The following IQCM variants were observed in gnomAD, a reference collection of about 807,000 sequenced individuals.
The protein encoded by IQCM is IQ domain-containing protein M.
IQCM carries 45 observed loss-of-function variants against 57.6 expected under a neutral mutation model. The ratio of observed to expected loss-of-function variants is 0.78; its 90% CI spans 0.62 to 1.00. IQCM has a LOEUF of 1.00. Among genes scored for constraint, IQCM ranks in the 50% least tolerant of loss-of-function variants. The pLI is 0.00. For missense variants in IQCM, 468 were observed against 511.6 expected, an observed-to-expected ratio of 0.91 and a Z score of 0.82; for synonymous variants, 148 against 158.9, an observed-to-expected ratio of 0.93 and a Z score of 0.51.
chr4:149,494,034 C>T (rs1012405824), intron 12 of IQCM, among the ~76,000 whole-genome samples: 1 of 151,172 alleles, frequency 6.6e-6, no homozygotes, highest in African/African-American at 2.4e-5. Flanking sequence ...AGATACAAGT[C>T]TTTTCTTTTT....
intron 12 of IQCM, among the ~76,000 whole-genome samples, chr4:149,467,341 T>A (rs749880495): frequency 2.0e-5 from 3 of 152,182 alleles, no homozygotes; most frequent in Non-Finnish European, 2.9e-5. Context: ...ATAATGAGAA[T>A]CCTTAATTCA....
chr4:149,740,564 T>G lies in IQCM; in HGVS notation c.37+2091A>C, dbSNP rs556428579. ...AAGCTTTACACTGTATTATTGAAAATAATATTGAAAACAGAAATACTCCAA... is the reference window on the plus strand; with the variant it reads ...AAGCTTTACACTGTATTATTGAAAAGAATATTGAAAACAGAAATACTCCAA... On this transcript the variant is annotated intron_variant, in intron 3 of 13. Transcript: ENST00000636793. Among the ~76,000 whole-genome samples, 39 of 152,160 alleles carry G rather than the reference T, an allele frequency of 2.6e-4. 1 individual carries two copies. The South Asian group carries it at 2.7e-3, about 11-fold the overall frequency.
At chr4:149,787,285 G>GC (rs1772160153) in intron 2 of IQCM, among the ~76,000 whole-genome samples, 1 of 141,124 alleles carries the variant, frequency 7.1e-6, no homozygotes, top group South Asian at 2.3e-4. Context: ...TCCTGGGTTT[G>GC]TTTTTTTTTT....
intron 12 of IQCM, among the ~76,000 whole-genome samples, chr4:149,451,069 G>C (rs1198302777): frequency 6.6e-6 from 1 of 151,910 alleles, no homozygotes; most frequent in African/African-American, 2.4e-5. Flanking sequence ...ATTATGCTAA[G>C]TGAAATAAGC....
rs188059790 is a variant in IQCM at position 149,605,151 on chromosome 4, T to C, written c.681+15978A>G. Among the ~76,000 whole-genome samples, 425 of 152,306 alleles carry C rather than the reference T, an allele frequency of 2.8e-3. 1 individual carries two copies. Among genetic ancestry groups the C allele is most frequent in the Non-Finnish European group, 4.6e-3 (314 of 68,032 alleles). On this transcript the variant is annotated intron_variant, in intron 8 of 13. Coordinates refer to ENST00000636793, the MANE Select transcript of IQCM (RefSeq NM_001363507.2). ...ATATCTCAGAGCAAAAGGTCAATTA[T>C]GATTGAGAATTGGGTTGAATATTTT... is the stretch of plus-strand genomic sequence containing the variant.
At chr4:149,797,819 A>C (rs1447465185) in intron 2 of IQCM, among the ~76,000 whole-genome samples, 2 of 152,042 alleles carry the variant, frequency 1.3e-5, no homozygotes, top group Admixed American at 1.3e-4. Flanking sequence ...TTTCTCTAGA[A>C]TAGCATACTA....
chr4:149,742,111 C>G (rs1469155664), intron 3 of IQCM, among the ~76,000 whole-genome samples: 1 of 151,810 alleles, frequency 6.6e-6, no homozygotes, highest in Admixed American at 6.6e-5. Flanking sequence ...CTAAATATTA[C>G]CACTTCAACA....
chr4:149,473,483 C>T (rs1195005424), intron 12 of IQCM, among the ~76,000 whole-genome samples: 31 of 152,106 alleles, frequency 2.0e-4, no homozygotes, highest in African/African-American at 4.3e-4. Flanking sequence ...CAACAGGTGC[C>T]GGAGAGGATG....
At chr4:149,576,228 G>A (rs1270354554) in intron 9 of IQCM, among the ~76,000 whole-genome samples, 7 of 151,574 alleles carry the variant, frequency 4.6e-5, no homozygotes, top group Admixed American at 4.6e-4. Context: ...TGGAGTTTTG[G>A]AGTACAGATT....
intron 13 of IQCM, among the ~76,000 whole-genome samples, chr4:149,382,881 G>T (rs1295064778): frequency 6.6e-6 from 1 of 151,452 alleles, no homozygotes; most frequent in African/African-American, 2.4e-5. Context: ...ACAGATTCAA[G>T]CTCATCAATT....
At chr4:149,794,902 A>G (rs946464608) in intron 2 of IQCM, among the ~76,000 whole-genome samples, 5 of 152,144 alleles carry the variant, frequency 3.3e-5, no homozygotes, top group African/African-American at 1.2e-4. Context: ...AATTAAGTGA[A>G]CATATATTCA....
At chr4:149,655,790 A>G (rs965105640) in intron 7 of IQCM, among the ~76,000 whole-genome samples, 2 of 152,132 alleles carry the variant, frequency 1.3e-5, no homozygotes, top group Admixed American at 1.3e-4. Flanking sequence ...ACTTTATACT[A>G]TGCTTTAGTT....
At chr4:149,581,877 T>C (rs748027573) in intron 9 of IQCM, among the ~76,000 whole-genome samples, 6 of 151,686 alleles carry the variant, frequency 4.0e-5, no homozygotes, top group African/African-American at 1.5e-4. Context: ...GCTGGTCATG[T>C]CTTCCAAGGT....
At chr4:149,795,327 G>A (rs539454403) in intron 2 of IQCM, among the ~76,000 whole-genome samples, 12 of 152,244 alleles carry the variant, frequency 7.9e-5, no homozygotes, top group African/African-American at 2.6e-4. Flanking sequence ...ACTCAGTGCT[G>A]TGCAGTCATA....
rs529210035 is a variant in IQCM, at chr4:149,767,275, C to T, written c.-48-24536G>A. Among the ~76,000 whole-genome samples the T allele has an allele frequency of 1.2e-4, 18 of 151,922 alleles. No homozygotes were observed. The South Asian group carries it at 1.7e-3, about 14-fold the overall frequency. ...TGAAGATCTTCATGAAGACACGTGA[C>T]GCTCAGATATTACAATAAAAGGGTA... On this transcript the variant is annotated intron_variant, in intron 2 of 13. Transcript: ENST00000636793.
Position 149,682,179 on chromosome 4 carries a change from G to A in IQCM, c.504C>T (p.Pro168=), listed in dbSNP as rs1762227129. ...SRNRMLELLY[P]FPVHLYLQPG... Reference sequence around the variant, plus strand: ...GTTGTAAGTAAAGATGGACAGGAAAGGGATAGAGTAATTCCAACATTCTGT... The same window carrying A: ...GTTGTAAGTAAAGATGGACAGGAAAAGGATAGAGTAATTCCAACATTCTGT... Residue 168 remains proline (P), a synonymous_variant, in exon 7 of 14, where the codon CCC becomes CCT. Transcript: ENST00000636793. The A allele has an allele frequency of 8.2e-7, 1 of 1,224,546 alleles. No individual in the cohort carries two copies. Among genetic ancestry groups the A allele is most frequent in the Non-Finnish European group, 1.0e-6 (1 of 981,704 alleles). 75.9% of individuals were successfully genotyped at this position (1,224,546 alleles called of 1,614,324 possible).
intron 2 of IQCM, among the ~76,000 whole-genome samples, chr4:149,790,798 G>C (rs2150028793): frequency 6.6e-6 from 1 of 152,138 alleles, no homozygotes; most frequent in East Asian, 1.9e-4. Context: ...TGTATTCCAG[G>C]ACTTCTTGGG....
At chr4:149,617,267 C>T (rs2150065893) in intron 8 of IQCM, among the ~76,000 whole-genome samples, 1 of 152,098 alleles carries the variant, frequency 6.6e-6, no homozygotes, top group South Asian at 2.1e-4. Context: ...TATCCTGGAA[C>T]TTAAAGTAAA....
At chr4:149,500,430 T>C (rs1213066534) in intron 12 of IQCM, among the ~76,000 whole-genome samples, 1 of 152,150 alleles carries the variant, frequency 6.6e-6, no homozygotes, top group Non-Finnish European at 1.5e-5. Flanking sequence ...AGAAATTAAA[T>C]TAACATTTAA....
Sources: allele counts gnomAD v4.1 joint callset (sites outside exome capture counted in the v4.1 genomes callset), GRCh38; gene constraint gnomAD v4.1.1; transcripts MANE v1.5; gene names NCBI Gene and HGNC (gene_info 2026-07-23, HGNC 2026-07-21).